Variants in CLIP2 observed in about 807,000 individuals in gnomAD.
CLIP2 encodes the protein CAP-Gly domain containing linker protein 2.
In CLIP2, 41 loss-of-function variants were observed where a neutral mutation model predicts 111.7. The ratio of observed to expected loss-of-function variants is 0.37; its 90% CI spans 0.29 to 0.48. CLIP2 has a LOEUF of 0.48. Among genes scored for constraint, CLIP2 ranks in the 20% least tolerant of loss-of-function variants. The pLI is 0.99. For synonymous variants in CLIP2, 660 were observed against 644.2 expected (o/e 1.02, Z -0.37); for missense variants, 1,160 against 1,422.1 (o/e 0.82, Z 2.96).
At position 74,386,564 on chromosome 7, in the gene CLIP2, C is replaced by T. The variant is rs1791106374; in HGVS notation, c.2523C>T (p.Ala841=). 2 of 1,611,092 alleles carry T rather than the reference C, an allele frequency of 1.2e-6. No individual in the cohort carries two copies. Among genetic ancestry groups the T allele is most frequent in the African/African-American group, 1.3e-5 (1 of 74,702 alleles). Residue 841 remains alanine, a synonymous_variant, in exon 12 of 17, where the codon GCC becomes GCT. Transcript: ENST00000223398. ...KLNKRDKEVT[A]LTSQTEMLRA... is the part of the protein sequence containing the mutation. ...ACAAGAGGGACAAAGAGGTGACAGC[C>T]TTGACCTCCCAGACCGAGATGCTCA...
At chr7:74,373,678 T>C (rs191817079) in intron 9 of CLIP2, among the ~76,000 whole-genome samples, 2 of 152,140 alleles carry the variant, frequency 1.3e-5, no homozygotes, top group Admixed American at 1.3e-4. Flanking sequence ...TGACAAAGTG[T>C]TGGAGTTCCT....
At chr7:74,341,592 C>T (rs1554305398) in intron 3 of CLIP2, among the ~76,000 whole-genome samples, 1 of 148,868 alleles carries the variant, frequency 6.7e-6, no homozygotes, top group South Asian at 2.1e-4. Flanking sequence ...CTCTGCTTTT[C>T]TTTTCTTTTT....
chr7:74,336,243 T>C (rs1789453469), intron 2 of CLIP2, among the ~76,000 whole-genome samples: 1 of 151,746 alleles, frequency 6.6e-6, no homozygotes, highest in African/African-American at 2.4e-5. Context: ...AATTTTTGTA[T>C]TTTCAGTAGA....
chr7:74,363,576 C>A (rs569546275), intron 7 of CLIP2, among the ~76,000 whole-genome samples: 93 of 152,282 alleles, frequency 6.1e-4, no homozygotes, highest in Middle Eastern at 3.4e-3. Context: ...AGTGTCTGTT[C>A]CCCGCAGTGA....
At chr7:74,364,187 T>C in intron 7 of CLIP2, 68 bp from the exon 8 acceptor site, 6 of 1,424,562 alleles carry the variant, frequency 4.2e-6, no homozygotes, top group Non-Finnish European at 5.8e-6. Flanking sequence ...CTCTCTGCTG[T>C]TGCTCATTCG....
intron 1 of CLIP2, among the ~76,000 whole-genome samples, chr7:74,314,903 G>A (rs1424239123): frequency 6.6e-6 from 1 of 152,072 alleles, no homozygotes; most frequent in Non-Finnish European, 1.5e-5. Flanking sequence ...ATAGCATCAT[G>A]CCTGGAGGCT....
At chr7:74,382,170 G>T (rs1396663014) in intron 11 of CLIP2, among the ~76,000 whole-genome samples, 2 of 149,580 alleles carry the variant, frequency 1.3e-5, no homozygotes, top group Non-Finnish European at 3.0e-5. Context: ...TGCAACCTCC[G>T]CCTCCCAGGT....
intron 1 of CLIP2, among the ~76,000 whole-genome samples, chr7:74,311,865 T>G (rs1788647424): frequency 1.3e-5 from 2 of 148,812 alleles, no homozygotes; most frequent in South Asian, 4.2e-4. Flanking sequence ...TGAGCTATGA[T>G]CGTGTCACTG....
chr7:74,393,686 A>AT (rs1451084393), intron 13 of CLIP2, among the ~76,000 whole-genome samples: 1 of 152,174 alleles, frequency 6.6e-6, no homozygotes, highest in Non-Finnish European at 1.5e-5. Context: ...AAGCACAGAC[A>AT]TCCTTTTGTA....
chr7:74,328,703 C>T (rs2116530749), intron 2 of CLIP2, among the ~76,000 whole-genome samples: 2 of 152,192 alleles, frequency 1.3e-5, no homozygotes, highest in Middle Eastern at 6.8e-3. Context: ...AAGGATGGAG[C>T]TTTGCCTGAA....
chr7:74,380,887 G>A, intron 11 of CLIP2, 24 bp downstream of exon 11: 1 of 1,612,062 alleles, frequency 6.2e-7, no homozygotes, highest in South Asian at 1.1e-5. Flanking sequence ...AGGCCGGGCG[G>A]GACTCTGGGC....
chr7:74,393,511 T>C (rs1791355038), intron 13 of CLIP2, among the ~76,000 whole-genome samples: 1 of 151,830 alleles, frequency 6.6e-6, no homozygotes, highest in Non-Finnish European at 1.5e-5. Context: ...TAATTTTGTA[T>C]TTTTAGTAGA....
intron 8 of CLIP2, among the ~76,000 whole-genome samples, chr7:74,365,696 A>C (rs1790458342): frequency 6.6e-6 from 1 of 152,204 alleles, no homozygotes; most frequent in Admixed American, 6.5e-5. Context: ...AATTGTGATC[A>C]TATTCATGGC....
rs1554732673 is a variant in CLIP2 at position 74,338,675 on chromosome 7, G to C, written c.349G>C (p.Val117Leu). ...QWAGVVLDDP[V>L]GKNDGAVGGV... is the part of the protein sequence containing the mutation. The stretch of plus-strand genomic sequence containing the variant: ...GGCTGGCGTGGTGCTGGACGACCCG[G>C]TGGGCAAGAATGATGGCGCGGTGGG... The change falls in exon 3 of 17, where the codon GTG becomes CTG. Residue 117 changes from valine (V) to leucine (L), a missense_variant. By Grantham distance (32) the Val-to-Leu change is conservative. This residue lies in a region of CLIP2 where 301 missense variants were observed against 315.2 expected (regional missense o/e 0.96). Transcript: ENST00000223398. This position sits in a 1 kb window ranked among gnomAD's most constrained non-coding sequence, Gnocchi z 4.3. The C allele has an allele frequency of 2.5e-6, 4 of 1,580,378 alleles. No individual in the cohort carries two copies. In the South Asian group the frequency reaches 4.6e-5, roughly 18 times the overall value.
At chr7:74,377,133 T>G (rs191712784) in intron 10 of CLIP2, among the ~76,000 whole-genome samples, 9 of 152,220 alleles carry the variant, frequency 5.9e-5, no homozygotes, top group Non-Finnish European at 1.2e-4. Context: ...TACCCATACA[T>G]GTCTTAGGGT....
At chr7:74,367,692 A>G (rs1357000276) in intron 8 of CLIP2, among the ~76,000 whole-genome samples, 2 of 152,190 alleles carry the variant, frequency 1.3e-5, no homozygotes, top group Non-Finnish European at 2.9e-5. Context: ...CCAGGACCAC[A>G]GCCCAAATTG....
At chr7:74,390,893 C>A (rs1584388421) in intron 13 of CLIP2, among the ~76,000 whole-genome samples, 1 of 150,912 alleles carries the variant, frequency 6.6e-6, no homozygotes, top group Admixed American at 6.6e-5. Flanking sequence ...ACTAAAAATA[C>A]AAAACATTAG....
chr7:74,352,989 A>C (rs1373347009), intron 3 of CLIP2, among the ~76,000 whole-genome samples: 1 of 150,864 alleles, frequency 6.6e-6, no homozygotes, highest in African/African-American at 2.4e-5. Flanking sequence ...TCTACAAAAA[A>C]TTTTTTAAAA....
In CLIP2 at chr7:74,386,585, G is replaced by A. The variant is rs781989168; in HGVS notation, c.2544G>A (p.Met848Ile). The A allele has an allele frequency of 1.9e-6, 3 of 1,609,700 alleles. No individual in the cohort carries two copies. Among genetic ancestry groups the A allele is most frequent in the Non-Finnish European group, 2.5e-6 (3 of 1,178,360 alleles). Reference sequence around the variant, plus strand: ...CAGCCTTGACCTCCCAGACCGAGATGCTCAGGGCCCAAGTAAGTGGTAAGT... The same window carrying A: ...CAGCCTTGACCTCCCAGACCGAGATACTCAGGGCCCAAGTAAGTGGTAAGT... ...EVTALTSQTE[M>I]LRAQVSALES... The change falls in exon 12 of 17, where the codon ATG becomes ATA. Residue 848 changes from methionine (M) to isoleucine (I), a missense_variant. This residue lies in a region of CLIP2 where 676 missense variants were observed against 777.8 expected (regional missense o/e 0.87). Coordinates refer to ENST00000223398, the MANE Select transcript of CLIP2 (RefSeq NM_003388.5).
Sources: allele counts gnomAD v4.1 joint callset (sites outside exome capture counted in the v4.1 genomes callset), GRCh38; gene constraint gnomAD v4.1.1; regional missense constraint gnomAD v4.1.1; non-coding constraint Gnocchi (gnomAD v3.1); transcripts MANE v1.5; gene names NCBI Gene and HGNC (gene_info 2026-07-23, HGNC 2026-07-21).